The following ALLC variants were observed in gnomAD, a reference collection of about 807,000 sequenced individuals.
ALLC encodes the protein probable inactive allantoicase.
A neutral mutation model predicts 45.0 loss-of-function variants in ALLC; 40 were observed. The observed-to-expected ratio is 0.89, with a 90% CI of 0.69 to 1.16. The LOEUF (loss-of-function observed/expected upper bound fraction) is 1.16. Among genes scored for constraint, ALLC ranks in the 50% most tolerant of loss-of-function variants. The pLI is 0.00. For synonymous variants in ALLC, 176 were observed against 178.1 expected (o/e 0.99, Z 0.09); for missense variants, 488 against 493.1 (o/e 0.99, Z 0.10).
intron 1 of ALLC, among the ~76,000 whole-genome samples, chr2:3,659,958 A>AT (rs1479738092): frequency 1.3e-5 from 2 of 152,198 alleles, no homozygotes; most frequent in South Asian, 2.1e-4. Flanking sequence ...CCTTTCTCAC[A>AT]TTTTTTTATC....
intron 7 of ALLC, among the ~76,000 whole-genome samples, chr2:3,691,432 G>T (rs921713984): frequency 2.1e-5 from 3 of 145,924 alleles, no homozygotes; most frequent in African/African-American, 7.5e-5. Context: ...TTTTGTATTT[G>T]TTTTTTTTTT....
At chr2:3,650,458 G>A in the ALLC span, among the ~76,000 whole-genome samples, 528 of 152,312 alleles carry the variant, frequency 3.5e-3, 2 homozygotes, top group Non-Finnish European at 5.1e-3. Context: ...GAGAAACAGC[G>A]CACCACGGTG....
intron 1 of ALLC, among the ~76,000 whole-genome samples, chr2:3,665,471 C>T (rs953198689): frequency 2.0e-5 from 3 of 152,182 alleles, no homozygotes; most frequent in South Asian, 2.1e-4. Flanking sequence ...CTCCTCCCCC[C>T]ACCCCCGACA....
upstream of ALLC, among the ~76,000 whole-genome samples, chr2:3,656,587 G>A (rs1572499108): frequency 7.6e-6 from 1 of 131,716 alleles, no homozygotes; most frequent in South Asian, 2.3e-4. Context: ...CTGCCACGTC[G>A]GATGGGGCAG....
At chr2:3,672,279 G>C (rs1440305586) in intron 2 of ALLC, among the ~76,000 whole-genome samples, 17 of 98,538 alleles carry the variant, frequency 1.7e-4, no homozygotes, top group Middle Eastern at 7.9e-3. Context: ...CTGGTTAGAT[G>C]GGAGGTCCTC....
intron 7 of ALLC, among the ~76,000 whole-genome samples, chr2:3,689,955 T>G (rs1317548196): frequency 6.7e-6 from 1 of 149,834 alleles, no homozygotes; most frequent in African/African-American, 2.4e-5. Context: ...GTCTTTTTTT[T>G]TTTTTAACAG....
intron 1 of ALLC, among the ~76,000 whole-genome samples, chr2:3,663,518 T>C (rs932498838): frequency 6.6e-6 from 1 of 151,926 alleles, no homozygotes; most frequent in Non-Finnish European, 1.5e-5. Flanking sequence ...CAAACCACCA[T>C]GGCACACGTT....
At chr2:3,697,477 A>C in intron 10 of ALLC, 21 bp downstream of exon 10, 1 of 1,585,398 alleles carries the variant, frequency 6.3e-7, no homozygotes, top group Non-Finnish European at 8.7e-7. Context: ...AGCCATAAAG[A>C]AGTACCCTAT....
chr2:3,665,012 A>G (rs1053466750), intron 1 of ALLC, among the ~76,000 whole-genome samples: 5 of 152,176 alleles, frequency 3.3e-5, no homozygotes, highest in African/African-American at 1.2e-4. Context: ...TGGCACCTCA[A>G]ATATATATAA....
At chr2:3,693,213 C>T (rs924574153) in intron 7 of ALLC, among the ~76,000 whole-genome samples, 1 of 152,316 alleles carries the variant, frequency 6.6e-6, no homozygotes, top group African/African-American at 2.4e-5. Flanking sequence ...CCTCAACCCC[C>T]CTAAATTTTA....
the ALLC span, among the ~76,000 whole-genome samples, chr2:3,651,412 T>A: frequency 1.4e-4 from 7 of 50,098 alleles, no homozygotes; most frequent in African/African-American, 1.9e-4. Context: ...TGTGTGTGTG[T>A]GTGTGTGTGT....
rs1667175271 is a variant in ALLC, at chr2:3,681,420, T to C, written c.299-214T>C. Among the ~76,000 whole-genome samples the C allele has an allele frequency of 2.0e-5, 3 of 152,354 alleles. No homozygotes were observed. The South Asian group carries it at 6.2e-4, about 32-fold the overall frequency. On this transcript the variant is annotated intron_variant, in intron 5 of 11. Coordinates refer to ENST00000252505, the MANE Select transcript of ALLC (RefSeq NM_018436.4). ...TTTACTGTTTGACAAGCAAATGTAG[T>C]ATCAAACATCTTGTACTATTTTTTG...
At chr2:3,681,350 C>T (rs538151848) in intron 5 of ALLC, among the ~76,000 whole-genome samples, 3 of 152,042 alleles carry the variant, frequency 2.0e-5, no homozygotes, top group Non-Finnish European at 1.5e-5. Context: ...AAAACTCTAG[C>T]GATGTGATAA....
At chr2:3,688,211 CT>C in intron 7 of ALLC, 2 of 170,560 alleles carry the variant, frequency 1.2e-5, no homozygotes, top group Non-Finnish European at 2.5e-5. Context: ...GCTTCACCGC[CT>C]TTTTGATGGT....
At chr2:3,694,505 T>G (rs150768750) in intron 7 of ALLC, 15 of 152,338 alleles carry the variant, frequency 9.8e-5, no homozygotes, top group Middle Eastern at 3.4e-3. Context: ...GTTTGGATAT[T>G]AACTCTGTAA....
Position 3,684,824 on chromosome 2 carries a change from G to T in ALLC, c.511+1750G>T, listed in dbSNP as rs962213199. On this transcript the variant is annotated intron_variant, in intron 7 of 11. Transcript: ENST00000252505. The stretch of plus-strand genomic sequence containing the variant: ...ATTTTCAATTATGGGCACATAGTAG[G>T]TATATATATATTTATGGGGTACATG... Among the ~76,000 whole-genome samples, 132 of 151,828 alleles carry T rather than the reference G, an allele frequency of 8.7e-4. 1 individual carries two copies. Among genetic ancestry groups the T allele is most frequent in the African/African-American group, 3.1e-3 (127 of 41,352 alleles).
chr2:3,665,727 G>T, intron 1 of ALLC, among the ~76,000 whole-genome samples: 1 of 152,140 alleles, frequency 6.6e-6, no homozygotes, highest in East Asian at 1.9e-4. Context: ...TGGGCATTTG[G>T]GTTGATTCCG....
At chr2:3,654,405 TGC>T (rs1474431688), upstream of ALLC, among the ~76,000 whole-genome samples, 1 of 152,266 alleles carries the variant, frequency 6.6e-6, no homozygotes, top group African/African-American at 2.4e-5. Flanking sequence ...TGTAAGGCCC[TGC>T]TGGTTGCACT....
chr2:3,696,263 T>G lies in ALLC; in HGVS notation c.668-12T>G. On this transcript the variant is annotated splice_polypyrimidine_tract_variant and intron_variant, in intron 8 of 11. Coordinates refer to ENST00000252505, the MANE Select transcript of ALLC (RefSeq NM_018436.4). Reference sequence around the variant, plus strand: ...CATGCAGTTTACCATTCAACAATGTTATTTTCTGTAGGAGTTGGCGGGGCA... The same window carrying G: ...CATGCAGTTTACCATTCAACAATGTGATTTTCTGTAGGAGTTGGCGGGGCA... The G allele has an allele frequency of 6.2e-7, 1 of 1,610,020 alleles. No individual in the cohort carries two copies. Among genetic ancestry groups the G allele is most frequent in the Non-Finnish European group, 8.5e-7 (1 of 1,177,918 alleles).
Sources: allele counts gnomAD v4.1 joint callset (sites outside exome capture counted in the v4.1 genomes callset), GRCh38; gene constraint gnomAD v4.1.1; transcripts MANE v1.5; gene names NCBI Gene and HGNC (gene_info 2026-07-23, HGNC 2026-07-21).